Variants in KATNIP observed in about 807,000 individuals in gnomAD.
The protein encoded by KATNIP is katanin-interacting protein.
A neutral mutation model predicts 174.0 loss-of-function variants in KATNIP; 126 were observed. The ratio of observed to expected loss-of-function variants is 0.72; its 90% CI spans 0.63 to 0.84. The LOEUF (loss-of-function observed/expected upper bound fraction) is 0.84, where lower values mean the gene tolerates loss of function less well. KATNIP is among the 40% of genes least tolerant of loss of function. The pLI is 0.00. For missense variants in KATNIP, 1,958 were observed against 2,109.7 expected, an observed-to-expected ratio of 0.93 and a Z score of 1.41; for synonymous variants, 810 against 835.7, an observed-to-expected ratio of 0.97 and a Z score of 0.53.
At chr16:27,666,496 C>T (rs534753949) in intron 6 of KATNIP, among the ~76,000 whole-genome samples, 1 of 152,274 alleles carries the variant, frequency 6.6e-6, no homozygotes, top group South Asian at 2.1e-4. Flanking sequence ...TGACTCACTA[C>T]AACTTCTGCC....
intron 21 of KATNIP, among the ~76,000 whole-genome samples, chr16:27,770,689 C>G (rs2082268659): frequency 6.6e-6 from 1 of 152,206 alleles, no homozygotes; most frequent in Non-Finnish European, 1.5e-5. Flanking sequence ...TCAGGAGGGC[C>G]GTGGAGGAGA....
chr16:27,683,237 C>T (rs2078411157), intron 8 of KATNIP, among the ~76,000 whole-genome samples: 1 of 152,190 alleles, frequency 6.6e-6, no homozygotes, highest in African/African-American at 2.4e-5. Flanking sequence ...TGATCTGCAT[C>T]CTGCTTCAGC....
intron 5 of KATNIP, chr16:27,644,090 C>T (rs1200849292): frequency 1.4e-5 from 2 of 146,968 alleles, no homozygotes; most frequent in African/African-American, 5.1e-5. Flanking sequence ...GGTGCGATCT[C>T]GGCTCACTGC....
chr16:27,739,953 T>G, intron 14 of KATNIP, 88 bp from the exon 15 acceptor site: 1 of 1,397,824 alleles, frequency 7.2e-7, no homozygotes, highest in Non-Finnish European at 9.7e-7. Flanking sequence ...CACATTTTCT[T>G]TTCTTTTTTT....
At chr16:27,774,850 G>A (rs2082434161) in intron 23 of KATNIP, 95 bp from the exon 24 acceptor site, 45 of 1,454,236 alleles carry the variant, frequency 3.1e-5, no homozygotes, top group Non-Finnish European at 4.0e-5. Context: ...AGCCCTGCCA[G>A]CCCCAGAGTC....
chr16:27,752,002 T>C (rs1201785707), intron 17 of KATNIP, 78 bp downstream of exon 17: 1 of 1,171,828 alleles, frequency 8.5e-7, no homozygotes. Context: ...GCAGGGAGAA[T>C]TAAGATGGAT....
At chr16:27,752,931 G>A (rs2081572598) in intron 17 of KATNIP, among the ~76,000 whole-genome samples, 1 of 152,208 alleles carries the variant, frequency 6.6e-6, no homozygotes, top group Non-Finnish European at 1.5e-5. Context: ...AAGAGGAGAT[G>A]GTTAAACAGG....
At chr16:27,665,668 T>G (rs1449026159) in intron 6 of KATNIP, among the ~76,000 whole-genome samples, 1 of 151,884 alleles carries the variant, frequency 6.6e-6, no homozygotes, top group Non-Finnish European at 1.5e-5. Flanking sequence ...TGGTACGATC[T>G]TGGCTCCCTG....
Position 27,740,302 on chromosome 16 carries a change from G to A in KATNIP, c.2005G>A (p.Ala669Thr). Residue 669 changes from alanine to threonine, a missense_variant, in exon 15 of 28, where the codon GCA becomes ACA. This residue lies in a region of KATNIP where 1,557 missense variants were observed against 1,617.8 expected (regional missense o/e 0.96). Transcript: ENST00000261588. ...ACCGCCAGCTGAAACATTAGCGGAT[G>A]CAAAGCTTTCTTCACAAGGAAATGT... Reference protein sequence around the residue: ...CSPPAETLADAKLSSQGNVSG... With the variant: ...CSPPAETLADTKLSSQGNVSG... The A allele has an allele frequency of 6.2e-7, 1 of 1,614,246 alleles. No homozygotes were observed. The highest frequency in any genetic ancestry group is 1.1e-5 in the South Asian group (1 of 91,088).
intron 8 of KATNIP, among the ~76,000 whole-genome samples, chr16:27,683,023 A>G (rs2078404687): frequency 6.6e-6 from 1 of 152,184 alleles, no homozygotes; most frequent in Non-Finnish European, 1.5e-5. Flanking sequence ...CTCAGCTTCT[A>G]TAACTATAAG....
intron 15 of KATNIP, among the ~76,000 whole-genome samples, chr16:27,742,024 G>C (rs1408790673): frequency 6.8e-6 from 1 of 146,164 alleles, no homozygotes; most frequent in African/African-American, 2.5e-5. Flanking sequence ...TTAAACTACT[G>C]TATATGTCAA....
chr16:27,624,644 T>A (rs1401764810), intron 3 of KATNIP, among the ~76,000 whole-genome samples: 1 of 151,664 alleles, frequency 6.6e-6, no homozygotes, highest in African/African-American at 2.4e-5. Flanking sequence ...AGGGAGACCC[T>A]GTCTCTACAA....
chr16:27,662,081 T>TA (rs1403012192), intron 6 of KATNIP, among the ~76,000 whole-genome samples: 1 of 106,816 alleles, frequency 9.4e-6, no homozygotes, highest in Non-Finnish European at 1.8e-5. Flanking sequence ...TACACACATA[T>TA]ATATATACAC....
At chr16:27,648,311 C>T (rs1430439293) in intron 5 of KATNIP, among the ~76,000 whole-genome samples, 2 of 150,538 alleles carry the variant, frequency 1.3e-5, no homozygotes, top group African/African-American at 4.9e-5. Flanking sequence ...AAAAAAAGAA[C>T]AGAATTGCCA....
intron 6 of KATNIP, chr16:27,669,233 C>T (rs776458648): frequency 2.5e-5 from 24 of 975,132 alleles, no homozygotes; most frequent in Non-Finnish European, 2.9e-5. Context: ...GACCATCAAA[C>T]CCCTGCTGCA....
chr16:27,653,640 C>T (rs1222042598), intron 6 of KATNIP, among the ~76,000 whole-genome samples: 2 of 151,286 alleles, frequency 1.3e-5, no homozygotes, highest in African/African-American at 4.9e-5. Flanking sequence ...ACCATCCATG[C>T]TATTTGATTT....
At chr16:27,596,327 C>T (rs2075335044) in intron 2 of KATNIP, among the ~76,000 whole-genome samples, 1 of 152,030 alleles carries the variant, frequency 6.6e-6, no homozygotes, top group Non-Finnish European at 1.5e-5. Context: ...AGAAAAAAAA[C>T]AAGACCTCTA....
intron 8 of KATNIP, among the ~76,000 whole-genome samples, chr16:27,690,523 C>A (rs1034190148): frequency 2.0e-5 from 3 of 152,180 alleles, no homozygotes; most frequent in African/African-American, 7.2e-5. Flanking sequence ...TTCGTGGCCA[C>A]TTGTTGCAGT....
At chr16:27,667,052 G>C (rs2077711590) in intron 6 of KATNIP, among the ~76,000 whole-genome samples, 1 of 152,174 alleles carries the variant, frequency 6.6e-6, no homozygotes, top group African/African-American at 2.4e-5. Flanking sequence ...CATGTGTGGT[G>C]GTTTATGCCT....
Sources: gnomAD v4.1 joint callset for allele counts (sites outside exome capture counted in the v4.1 genomes callset) on GRCh38, gnomAD v4.1.1 for gene constraint, gnomAD v4.1.1 regional missense constraint, MANE v1.5 for transcripts, NCBI Gene and HGNC (gene_info 2026-07-23, HGNC 2026-07-21) for gene names.